GANC: variants seen among roughly 807,000 people sequenced by gnomAD.
The protein encoded by GANC is glucosidase alpha, neutral C.
A neutral mutation model predicts 124.2 loss-of-function variants in GANC; 117 were observed. The observed-to-expected ratio is 0.94, with a 90% confidence interval of 0.81 to 1.10. The LOEUF is 1.10. Among genes scored for constraint, GANC ranks in the 50% least tolerant of loss-of-function variants. GANC has a pLI of 0.00. For synonymous variants in GANC, 377 were observed against 376.8 expected, an observed-to-expected ratio of 1.00 and a Z score of -0.01; for missense variants, 1,140 against 1,095.0, an observed-to-expected ratio of 1.04 and a Z score of -0.58.
intron 10 of GANC, among the ~76,000 whole-genome samples, chr15:42,316,511 T>C (rs960355810): frequency 6.6e-6 from 1 of 152,176 alleles, no homozygotes; most frequent in Middle Eastern, 3.2e-3. Flanking sequence ...TTTTCTTCTA[T>C]GCGTTTTCTT....
intron 15 of GANC, among the ~76,000 whole-genome samples, chr15:42,334,983 C>T (rs1301118018): frequency 6.6e-6 from 1 of 152,058 alleles, no homozygotes; most frequent in Non-Finnish European, 1.5e-5. Flanking sequence ...AAAAAGCCTA[C>T]CAACCAAAAA....
intron 15 of GANC, among the ~76,000 whole-genome samples, chr15:42,332,277 C>A (rs796726102): frequency 2.0e-5 from 3 of 151,808 alleles, no homozygotes; most frequent in African/African-American, 4.8e-5. Context: ...TCATTTTTTT[C>A]TTTTATCTAA....
Position 42,352,356 on chromosome 15 carries a change from A to G in GANC, c.*217A>G. On this transcript the variant is annotated 3_prime_UTR_variant, in exon 24 of 24. Transcript: ENST00000318010. ...ACTAACAATATTCCTTGTATCAAAC[A>G]TCTCCTTTTCTCCCTGATACATAGC... The G allele has an allele frequency of 5.9e-6, 8 of 1,344,976 alleles. No individual in the cohort carries two copies. Among genetic ancestry groups the G allele is most frequent in the Non-Finnish European group, 7.7e-6 (8 of 1,044,960 alleles). The allele number at this position is 1,344,976 out of a possible 1,614,324, so 83.3% of individuals were successfully genotyped here.
chr15:42,330,181 T>TA (rs2052231137), intron 14 of GANC, among the ~76,000 whole-genome samples: 1 of 152,206 alleles, frequency 6.6e-6, no homozygotes, highest in Non-Finnish European at 1.5e-5. Flanking sequence ...CTGCTTTAGT[T>TA]AGTGAGCTGT....
At chr15:42,288,870 G>A (rs1040029924) in intron 4 of GANC, among the ~76,000 whole-genome samples, 2 of 152,044 alleles carry the variant, frequency 1.3e-5, no homozygotes, top group African/African-American at 4.8e-5. Flanking sequence ...TTTGCAGTTT[G>A]ACAATTGAAT....
In GANC at chr15:42,349,496, G is replaced by T; in HGVS notation, c.2531+1G>T. The T allele has an allele frequency of 6.5e-7, 1 of 1,547,524 alleles. No homozygotes were observed. Among genetic ancestry groups the T allele is most frequent in the Non-Finnish European group, 8.9e-7 (1 of 1,119,606 alleles). Reference sequence around the variant, plus strand: ...TCTGTTCCAGTGTTCTGATCAATAGGTAATGGCAGCTAAAGAAACTGTTTG... The same window carrying T: ...TCTGTTCCAGTGTTCTGATCAATAGTTAATGGCAGCTAAAGAAACTGTTTG... On this transcript the variant is annotated splice_donor_variant, in intron 22 of 23. Transcript: ENST00000318010. LOFTEE classifies it high-confidence loss of function.
chr15:42,342,197 T>A (rs539661097), intron 18 of GANC, among the ~76,000 whole-genome samples: 1 of 152,316 alleles, frequency 6.6e-6, no homozygotes, highest in African/African-American at 2.4e-5. Context: ...GAAATAAGTA[T>A]TTATTGAATA....
intron 15 of GANC, among the ~76,000 whole-genome samples, chr15:42,336,417 A>T (rs2052283945): frequency 6.6e-6 from 1 of 152,242 alleles, no homozygotes; most frequent in African/African-American, 2.4e-5. Flanking sequence ...TGCTGGGACA[A>T]CTGGCAAGCC....
At chr15:42,279,826 G>A (rs1456608050) in intron 3 of GANC, among the ~76,000 whole-genome samples, 5 of 152,130 alleles carry the variant, frequency 3.3e-5, no homozygotes, top group South Asian at 2.1e-4. Flanking sequence ...GCTGACGTTC[G>A]TGGCAAAGCT....
intron 7 of GANC, among the ~76,000 whole-genome samples, chr15:42,307,725 T>G (rs1206579426): frequency 1.3e-5 from 2 of 152,222 alleles, no homozygotes; most frequent in African/African-American, 4.8e-5. Flanking sequence ...GAGGAACCAG[T>G]TATGGCCCTC....
chr15:42,339,638 G>C (rs1595783701), intron 16 of GANC, 31 bp from the exon 17 acceptor site: 1 of 1,603,796 alleles, frequency 6.2e-7, no homozygotes. Context: ...CCAAAGCTTG[G>C]TTGCCTCACT....
intron 8 of GANC, among the ~76,000 whole-genome samples, chr15:42,308,922 G>T (rs1397109931): frequency 1.3e-5 from 2 of 152,154 alleles, no homozygotes; most frequent in Non-Finnish European, 2.9e-5. Context: ...TTATCCTCGG[G>T]TTTCACTTTT....
At chr15:42,316,763 C>G (rs892828212) in intron 10 of GANC, among the ~76,000 whole-genome samples, 1 of 152,168 alleles carries the variant, frequency 6.6e-6, no homozygotes, top group Non-Finnish European at 1.5e-5. Flanking sequence ...AGGAGACTCC[C>G]TTTCACTATC....
chr15:42,343,200 A>C, intron 19 of GANC, 46 bp downstream of exon 19: 387 of 1,499,650 alleles, frequency 2.6e-4, no homozygotes, highest in Middle Eastern at 3.4e-4. Flanking sequence ...CATATCTCTC[A>C]TCCCTTCTTT....
At chr15:42,310,876 G>A in intron 10 of GANC, 30 bp downstream of exon 10, 1 of 1,600,562 alleles carries the variant, frequency 6.2e-7, no homozygotes, top group Non-Finnish European at 8.6e-7. Context: ...CCAGTTTCTT[G>A]TTCTGTTACA....
intron 15 of GANC, among the ~76,000 whole-genome samples, chr15:42,333,039 T>TA (rs397721498): frequency 0.018 from 2,162 of 123,120 alleles, 53 homozygotes; most frequent in African/African-American, 0.058. Context: ...TATATATATA[T>TA]TTTTTTTGGT....
At chr15:42,303,438 C>G (rs1315013731) in intron 6 of GANC, among the ~76,000 whole-genome samples, 2 of 152,078 alleles carry the variant, frequency 1.3e-5, no homozygotes, top group African/African-American at 4.8e-5. Flanking sequence ...AATGAAGAAA[C>G]TACATTAACT....
chr15:42,346,924 CA>C (rs778808793), intron 20 of GANC, among the ~76,000 whole-genome samples: 3 of 152,102 alleles, frequency 2.0e-5, no homozygotes, highest in African/African-American at 4.8e-5. Context: ...AAACCATCAG[CA>C]GCAATATGAA....
At chr15:42,305,654 T>C (rs1421834479) in intron 6 of GANC, among the ~76,000 whole-genome samples, 1 of 152,214 alleles carries the variant, frequency 6.6e-6, no homozygotes, top group Admixed American at 6.5e-5. Context: ...ATATGTTTAT[T>C]GCAGCACTGT....
Sources: allele counts gnomAD v4.1 joint callset (sites outside exome capture counted in the v4.1 genomes callset), GRCh38; gene constraint gnomAD v4.1.1; transcripts MANE v1.5; gene names NCBI Gene and HGNC (gene_info 2026-07-23, HGNC 2026-07-21).